KHDRBS2: variants seen among roughly 807,000 people sequenced by gnomAD.
KHDRBS2 encodes KH RNA binding domain containing, signal transduction associated 2, also known as KH domain-containing, RNA-binding, signal transduction-associated protein 2.
A neutral mutation model predicts 44.3 loss-of-function variants in KHDRBS2; 26 were observed. That is an observed-to-expected ratio of 0.59 (90% CI 0.43 to 0.81). The LOEUF (loss-of-function observed/expected upper bound fraction) is 0.81, where lower values mean the gene tolerates loss of function less well. Among genes scored for constraint, KHDRBS2 ranks in the 40% least tolerant of loss-of-function variants. The pLI is 0.00. For synonymous variants in KHDRBS2, 194 were observed against 151.1 expected (o/e 1.28, Z -2.08); for missense variants, 476 against 433.1 (o/e 1.10, Z -0.88).
intron 2 of KHDRBS2, among the ~76,000 whole-genome samples, chr6:62,065,057 G>A (rs534099100): frequency 4.9e-4 from 75 of 152,328 alleles, no homozygotes; most frequent in African/African-American, 1.7e-3. Flanking sequence ...AGCCATCAGA[G>A]AAACGCAAAT....
rs537175211 is a variant in KHDRBS2, at chr6:61,737,405, A to G, written c.811-4641T>C. Among the ~76,000 whole-genome samples the G allele has an allele frequency of 6.1e-3, 928 of 152,268 alleles. 7 individuals are homozygous for G. Among genetic ancestry groups the G allele is most frequent in the Non-Finnish European group, 9.6e-3 (651 of 68,006 alleles). On this transcript the variant is annotated intron_variant, in intron 6 of 8. Coordinates refer to ENST00000281156, the MANE Select transcript of KHDRBS2 (RefSeq NM_152688.4). ...ACCATCTTTTTATTAAGAAATATGT[A>G]TACACATAAATATTTGTAAATATAT...
At chr6:62,089,560 C>A (rs1182168763) in intron 2 of KHDRBS2, among the ~76,000 whole-genome samples, 1 of 152,138 alleles carries the variant, frequency 6.6e-6, no homozygotes, top group Non-Finnish European at 1.5e-5. Context: ...GCTGCACCCA[C>A]TGCCTAACCA....
chr6:61,559,713 C>T, the KHDRBS2 span, among the ~76,000 whole-genome samples: 1 of 152,160 alleles, frequency 6.6e-6, no homozygotes, highest in South Asian at 2.1e-4. Flanking sequence ...AAACTCTACA[C>T]TTTAACTCCA....
At chr6:62,092,265 T>C (rs1263226855) in intron 2 of KHDRBS2, among the ~76,000 whole-genome samples, 1 of 152,078 alleles carries the variant, frequency 6.6e-6, no homozygotes, top group Non-Finnish European at 1.5e-5. Flanking sequence ...CAAATGGCAT[T>C]TACCAGTCTA....
At chr6:62,134,668 C>T (rs897113320) in intron 2 of KHDRBS2, among the ~76,000 whole-genome samples, 1 of 152,152 alleles carries the variant, frequency 6.6e-6, no homozygotes, top group African/African-American at 2.4e-5. Context: ...GAAGACTATA[C>T]CCTGCAAAGC....
chr6:61,958,943 T>C (rs1414694716), intron 4 of KHDRBS2, among the ~76,000 whole-genome samples: 4 of 152,156 alleles, frequency 2.6e-5, no homozygotes, highest in Non-Finnish European at 4.4e-5. Context: ...CTTAGATTGC[T>C]GTGGTCAGTG....
At chr6:62,189,629 C>G (rs1469860578) in intron 1 of KHDRBS2, among the ~76,000 whole-genome samples, 1 of 151,958 alleles carries the variant, frequency 6.6e-6, no homozygotes, top group African/African-American at 2.4e-5. Flanking sequence ...GGCAGTTGCA[C>G]TAGACCAGGT....
chr6:61,915,410 T>C (rs1806813692), intron 4 of KHDRBS2, among the ~76,000 whole-genome samples: 1 of 152,052 alleles, frequency 6.6e-6, no homozygotes, highest in African/African-American at 2.4e-5. Context: ...CTCAACTAAG[T>C]ATTTCTCAAG....
chr6:61,952,904 C>G (rs1468575212), intron 4 of KHDRBS2, among the ~76,000 whole-genome samples: 2 of 151,984 alleles, frequency 1.3e-5, no homozygotes, highest in Non-Finnish European at 2.9e-5. Flanking sequence ...ATTGTCTTCT[C>G]CATTCACATT....
chr6:61,665,264 A>C, the KHDRBS2 span, among the ~76,000 whole-genome samples: 1 of 151,562 alleles, frequency 6.6e-6, no homozygotes, highest in South Asian at 2.1e-4. Flanking sequence ...AGGTATTATC[A>C]TGTTAATATA....
chr6:61,869,306 A>G (rs1798249765), intron 6 of KHDRBS2, among the ~76,000 whole-genome samples: 1 of 152,194 alleles, frequency 6.6e-6, no homozygotes. Context: ...TAATTTCTTA[A>G]TAGCAATGTT....
the KHDRBS2 span, among the ~76,000 whole-genome samples, chr6:61,578,820 C>A: frequency 6.6e-6 from 1 of 151,996 alleles, no homozygotes. Context: ...TTTTCTTTTT[C>A]TTTCCTCATT....
chr6:62,188,865 G>C (rs980271441), intron 1 of KHDRBS2, among the ~76,000 whole-genome samples: 1 of 152,160 alleles, frequency 6.6e-6, no homozygotes, highest in Non-Finnish European at 1.5e-5. Flanking sequence ...TGTAATCCTA[G>C]CACTTTGAGA....
chr6:62,105,943 T>C (rs1158831440), intron 2 of KHDRBS2, among the ~76,000 whole-genome samples: 4 of 152,118 alleles, frequency 2.6e-5, no homozygotes, highest in African/African-American at 4.8e-5. Context: ...CTACACACTG[T>C]TTTGAATGTG....
the KHDRBS2 span, among the ~76,000 whole-genome samples, chr6:61,636,291 G>GT: frequency 6.6e-6 from 1 of 151,920 alleles, no homozygotes; most frequent in Non-Finnish European, 1.5e-5. Context: ...ACTGTATCAG[G>GT]TTTTATTTAC....
chr6:62,233,143 G>A (rs1563106074), intron 1 of KHDRBS2, among the ~76,000 whole-genome samples: 1 of 152,120 alleles, frequency 6.6e-6, no homozygotes, highest in Non-Finnish European at 1.5e-5. Context: ...AGCTTCCTCA[G>A]AACTACAGAG....
intron 3 of KHDRBS2, among the ~76,000 whole-genome samples, chr6:62,032,627 A>T (rs1451200390): frequency 6.6e-6 from 1 of 151,808 alleles, no homozygotes; most frequent in Non-Finnish European, 1.5e-5. Context: ...TGGTACCTCT[A>T]TGAGTCTGCA....
At chr6:62,211,484 A>G (rs1829033530) in intron 1 of KHDRBS2, among the ~76,000 whole-genome samples, 1 of 152,214 alleles carries the variant, frequency 6.6e-6, no homozygotes. Context: ...AGTTATTTGT[A>G]TATCTATATT....
intron 6 of KHDRBS2, among the ~76,000 whole-genome samples, chr6:61,892,139 C>T (rs898434458): frequency 1.3e-5 from 2 of 152,120 alleles, no homozygotes; most frequent in African/African-American, 2.4e-5. Context: ...CATGAGTGAA[C>T]TCCCATTCAC....
Sources: gnomAD v4.1 joint callset for allele counts (sites outside exome capture counted in the v4.1 genomes callset) on GRCh38, gnomAD v4.1.1 for gene constraint, MANE v1.5 for transcripts, NCBI Gene and HGNC (gene_info 2026-07-23, HGNC 2026-07-21) for gene names.